The following COL1A2 variants were observed in gnomAD, a reference collection of about 807,000 sequenced individuals.
COL1A2 encodes collagen type I alpha 2 chain.
COL1A2 carries 49 observed loss-of-function variants against 174.3 expected under a neutral mutation model. The ratio of observed to expected loss-of-function variants is 0.28; its 90% confidence interval spans 0.22 to 0.36. COL1A2 has a LOEUF of 0.36. Ranked by LOEUF, COL1A2 falls within the 10% of genes least tolerant of loss-of-function variation. COL1A2 has a pLI of 1.00. For missense variants in COL1A2, 1,438 were observed against 1,822.7 expected (o/e 0.79, Z 3.84); for synonymous variants, 655 against 606.6 (o/e 1.08, Z -1.17).
chr7:94,414,362 A>G, intron 29 of COL1A2, 87 bp downstream of exon 29: 2 of 1,210,146 alleles, frequency 1.7e-6, no homozygotes, highest in Non-Finnish European at 2.4e-6. Context: ...CAATTATAAT[A>G]TGTAAAAGAA....
At position 94,408,324 on chromosome 7, in the gene COL1A2, T is replaced by C; in HGVS notation, c.694-12T>C. 6.2e-7 allele frequency: 1 copy of C among 1,614,150 alleles called. No individual in the cohort carries two copies. On this transcript the variant is annotated splice_polypyrimidine_tract_variant and intron_variant, in intron 14 of 51. Transcript: ENST00000297268. ...AAGTTTCCACCTGATCTTCCCTTTA[T>C]TTTCTTCTTAGGGTGCCCGTGGCAG...
intron 39 of COL1A2, 43 bp downstream of exon 39, chr7:94,421,995 A>G: frequency 6.4e-7 from 1 of 1,565,092 alleles, no homozygotes; most frequent in Non-Finnish European, 8.8e-7. Context: ...ACTCTAGCCA[A>G]AAGGCCTGGC....
chr7:94,420,349 C>T, intron 35 of COL1A2, 42 bp from the exon 36 acceptor site: 1 of 1,614,084 alleles, frequency 6.2e-7, no homozygotes, highest in Non-Finnish European at 8.5e-7. Flanking sequence ...ATTGATGAAC[C>T]TAGGATTGAT....
intron 24 of COL1A2, among the ~76,000 whole-genome samples, 175 bp from the exon 25 acceptor site, chr7:94,412,409 G>A (rs1387779246): frequency 6.6e-6 from 1 of 151,844 alleles, no homozygotes; most frequent in Non-Finnish European, 1.5e-5. Flanking sequence ...AATTGGCTAT[G>A]TGTGTACTGA....
intron 34 of COL1A2, among the ~76,000 whole-genome samples, chr7:94,420,010 AT>A (rs1393142434): frequency 6.6e-6 from 1 of 152,204 alleles, no homozygotes; most frequent in Non-Finnish European, 1.5e-5. Context: ...GTAGGCACTG[AT>A]TTATAGTGTT....
intron 6 of COL1A2, 47 bp from the exon 7 acceptor site, chr7:94,404,509 T>C: frequency 1.9e-6 from 3 of 1,604,636 alleles, no homozygotes; most frequent in Non-Finnish European, 2.6e-6. Context: ...GCCAACACCA[T>C]GACAACTTAT....
intron 45 of COL1A2, 108 bp downstream of exon 45, chr7:94,426,159 A>G: frequency 7.0e-6 from 8 of 1,139,806 alleles, no homozygotes; most frequent in Non-Finnish European, 7.9e-6. Flanking sequence ...AATATTTTTT[A>G]AAAATTTCAG....
At chr7:94,411,472 G>A (rs1250910357) in intron 23 of COL1A2, among the ~76,000 whole-genome samples, 1 of 152,138 alleles carries the variant, frequency 6.6e-6, no homozygotes, top group Admixed American at 6.6e-5. Context: ...TATATAAGGT[G>A]TTCATGAAAT....
At chr7:94,410,980 G>A (rs1281195339) in intron 22 of COL1A2, 38 bp downstream of exon 22, 2 of 1,611,948 alleles carry the variant, frequency 1.2e-6, no homozygotes, top group African/African-American at 2.7e-5. Context: ...AAAGGGGCTT[G>A]CTGCTTCTGG....
chr7:94,417,353 C>A, intron 31 of COL1A2: 1 of 308,638 alleles, frequency 3.2e-6, no homozygotes, highest in Middle Eastern at 1.1e-3. Context: ...TTGACAAGGT[C>A]TCTTTCCATG....
At chr7:94,398,839 TC>T (rs1048320832) in intron 3 of COL1A2, among the ~76,000 whole-genome samples, 1 of 152,092 alleles carries the variant, frequency 6.6e-6, no homozygotes, top group Non-Finnish European at 1.5e-5. Flanking sequence ...TATAGCAGCT[TC>T]CAATCCTCCA....
Position 94,400,270 on chromosome 7 carries a change from C to A in COL1A2, c.207C>A (p.Gly69=), listed in dbSNP as rs1562897613. The A allele has an allele frequency of 6.2e-7, 1 of 1,612,912 alleles. No individual in the cohort carries two copies. ...CTCCTGGTCCACCTGGTCCTCCTGG[C>A]CCCCCTGGTCTCGGTGGGGTAAGGT... ...TGPPGPPGPP[G]PPGLGGNFAA... The change falls in exon 5 of 52, where the codon GGC becomes GGA. Residue 69 remains glycine, a synonymous_variant. Coordinates refer to ENST00000297268, the MANE Select transcript of COL1A2 (RefSeq NM_000089.4).
At position 94,410,897 on chromosome 7, in the gene COL1A2, T is replaced by C. The variant is rs773494330; in HGVS notation, c.1206T>C (p.Pro402=). 1.2e-6 allele frequency: 2 copies of C among 1,614,102 alleles called. No homozygotes were observed. Among genetic ancestry groups the C allele is most frequent in the South Asian group, 1.1e-5 (1 of 91,082 alleles). ...PPGPPGLRGS[P]GSRGLPGADG... is the part of the protein sequence containing the mutation. ...CATGTACTTTCTTGCAGGGTAGTCC[T>C]GGTTCTCGTGGTCTTCCTGGAGCTG... Residue 402 remains proline, a synonymous_variant, in exon 22 of 52, where the codon CCT becomes CCC. Coordinates refer to ENST00000297268, the MANE Select transcript of COL1A2 (RefSeq NM_000089.4).
chr7:94,411,605 T>C (rs1486504454), intron 23 of COL1A2, among the ~76,000 whole-genome samples: 1 of 152,208 alleles, frequency 6.6e-6, no homozygotes, highest in Non-Finnish European at 1.5e-5. Flanking sequence ...TCTAGGTCCA[T>C]AGACACACTA....
At chr7:94,397,630 G>T in intron 1 of COL1A2, 118 bp from the exon 2 acceptor site, 2 of 579,936 alleles carry the variant, frequency 3.4e-6, no homozygotes, top group Non-Finnish European at 6.2e-6. Flanking sequence ...AAATATAATT[G>T]GTCCTTAATT....
At chr7:94,417,951 A>G (rs1322366942) in intron 32 of COL1A2, 120 bp downstream of exon 32, 12 of 816,772 alleles carry the variant, frequency 1.5e-5, no homozygotes, top group Middle Eastern at 3.3e-4. Flanking sequence ...ATCTATCTAT[A>G]TACATTTCCC....
At chr7:94,409,251 T>C in intron 16 of COL1A2, 71 bp from the exon 17 acceptor site, 1 of 1,293,212 alleles carries the variant, frequency 7.7e-7, no homozygotes, top group Non-Finnish European at 1.1e-6. Flanking sequence ...TCATAAAACT[T>C]GGCATCTTAA....
At chr7:94,403,912 T>A (rs2115872817) in intron 6 of COL1A2, among the ~76,000 whole-genome samples, 1 of 152,298 alleles carries the variant, frequency 6.6e-6, no homozygotes, top group African/African-American at 2.4e-5. Context: ...CAATCTTCCA[T>A]CATTTGGGCC....
chr7:94,416,490 C>A lies in COL1A2; in HGVS notation c.1850C>A (p.Pro617His). 1.3e-6 allele frequency: 2 copies of A among 1,570,150 alleles called. No homozygotes were observed. Among genetic ancestry groups the A allele is most frequent in the Non-Finnish European group, 1.7e-6 (2 of 1,156,588 alleles). ...GSRGPSGPPG[P>H]DGNKGEPGVV... ...CGAGGTCCTTCTGGACCCCCAGGGC[C>A]TGATGGAAACAAGGTAAAATCTTAT... The change falls in exon 31 of 52, where the codon CCT becomes CAT. Residue 617 changes from proline to histidine, a missense_variant. Physicochemically the swap from Pro to His is moderately conservative, Grantham distance 77. Transcript: ENST00000297268.
Sources: allele counts gnomAD v4.1 joint callset (sites outside exome capture counted in the v4.1 genomes callset), GRCh38; gene constraint gnomAD v4.1.1; transcripts MANE v1.5; gene names NCBI Gene and HGNC (gene_info 2026-07-23, HGNC 2026-07-21).